Variants in RBFOX1 observed in about 807,000 individuals in gnomAD.
RBFOX1 encodes RNA binding fox-1 homolog 1, also known as RNA binding protein fox-1 homolog 1.
A neutral mutation model predicts 57.7 loss-of-function variants in RBFOX1; 8 were observed. The ratio of observed to expected loss-of-function variants is 0.14; its 90% CI spans 0.08 to 0.25. RBFOX1 has a LOEUF of 0.25. RBFOX1 is among the 10% of genes least tolerant of loss of function. The pLI is 1.00. For missense variants in RBFOX1, 611 were observed against 548.5 expected, an observed-to-expected ratio of 1.11 and a Z score of -1.14; for synonymous variants, 326 against 222.4, an observed-to-expected ratio of 1.47 and a Z score of -4.15.
At chr16:6,492,260 T>C (rs1035806581) in intron 2 of RBFOX1, among the ~76,000 whole-genome samples, 1 of 152,204 alleles carries the variant, frequency 6.6e-6, no homozygotes, top group Non-Finnish European at 1.5e-5. Flanking sequence ...TGTAGAGGAC[T>C]ATTTGGGAAT....
At chr16:6,914,563 TA>T (rs796695757) in intron 3 of RBFOX1, among the ~76,000 whole-genome samples, 18 of 116,720 alleles carry the variant, frequency 1.5e-4, no homozygotes, top group Middle Eastern at 4.9e-3. Context: ...AAAACAAAAA[TA>T]AAAAAAAAAA....
intron 3 of RBFOX1, among the ~76,000 whole-genome samples, chr16:6,810,228 C>A (rs575083277): frequency 1.3e-5 from 2 of 152,140 alleles, no homozygotes; most frequent in South Asian, 2.1e-4. Flanking sequence ...AATGTCCATC[C>A]CTCTTTTTCT....
chr16:5,948,602 C>G (rs775691293), intron 4 of RBFOX1, among the ~76,000 whole-genome samples: 4 of 152,114 alleles, frequency 2.6e-5, no homozygotes, highest in African/African-American at 7.2e-5. Context: ...GAAGGCCGTG[C>G]GATGGCAGAG....
chr16:5,565,277 GCACGTGCGTGCGTGTGTT>G, intron 2 of RBFOX1, among the ~76,000 whole-genome samples: 1 of 152,224 alleles, frequency 6.6e-6, no homozygotes, highest in Non-Finnish European at 1.5e-5. Flanking sequence ...GTGCGTGTGT[GCACGTGCGTGCGTGTGTT>G]CATGTGCATG....
chr16:5,732,854 C>A (rs535723041), intron 3 of RBFOX1, among the ~76,000 whole-genome samples: 1 of 152,170 alleles, frequency 6.6e-6, no homozygotes, highest in East Asian at 1.9e-4. Context: ...TTCATGGAGC[C>A]AGGATGAGTG....
Position 5,706,607 on chromosome 16 carries a change from A to G in RBFOX1, c.318+107646A>G, listed in dbSNP as rs2051257364. On this transcript the variant is annotated intron_variant, in intron 3 of 19. Transcript: ENST00000641259. ...GGAATGTTTGGCTTTTAATAATTAA[A>G]TCTTGCATTGTTTTAATTTTCTCCA... Among the ~76,000 whole-genome samples, 4 of 152,190 alleles carry G rather than the reference A, an allele frequency of 2.6e-5. No homozygotes were observed. In the South Asian group the frequency reaches 8.3e-4, roughly 32 times the overall value.
chr16:6,245,408 C>G (rs1013082321), intron 1 of RBFOX1, among the ~76,000 whole-genome samples: 2 of 152,052 alleles, frequency 1.3e-5, no homozygotes, highest in South Asian at 2.1e-4. Context: ...ACCAATAATT[C>G]CAGTTTTCAT....
intron 4 of RBFOX1, among the ~76,000 whole-genome samples, chr16:7,071,511 G>C (rs915487732): frequency 6.6e-6 from 1 of 151,698 alleles, no homozygotes; most frequent in African/African-American, 2.4e-5. Flanking sequence ...TTTTTGAATA[G>C]ATTTGAAAGC....
intron 3 of RBFOX1, among the ~76,000 whole-genome samples, chr16:6,660,826 T>C (rs2098696798): frequency 6.6e-6 from 1 of 152,166 alleles, no homozygotes; most frequent in African/African-American, 2.4e-5. Context: ...ACATTTATTT[T>C]ATCAAATGAG....
intron 4 of RBFOX1, among the ~76,000 whole-genome samples, chr16:7,434,321 A>T (rs2098705335): frequency 6.6e-6 from 1 of 152,040 alleles, no homozygotes; most frequent in South Asian, 2.1e-4. Context: ...AATACAAAAA[A>T]ATTAGCTGGG....
At chr16:6,742,564 C>T (rs1400378316) in intron 3 of RBFOX1, among the ~76,000 whole-genome samples, 2 of 152,088 alleles carry the variant, frequency 1.3e-5, no homozygotes, top group African/African-American at 4.8e-5. Flanking sequence ...ATTTCTGAGT[C>T]AAAAACTGGA....
chr16:7,243,025 GC>G (rs2094140788), intron 4 of RBFOX1, among the ~76,000 whole-genome samples: 1 of 152,000 alleles, frequency 6.6e-6, no homozygotes, highest in Non-Finnish European at 1.5e-5. Context: ...AGGATGTCAA[GC>G]CCTGGCATTT....
At chr16:5,391,615 C>T (rs1029577362) in intron 1 of RBFOX1, among the ~76,000 whole-genome samples, 3 of 152,126 alleles carry the variant, frequency 2.0e-5, no homozygotes, top group Non-Finnish European at 4.4e-5. Flanking sequence ...AGAGTTCGTT[C>T]CTCCTGAAGG....
At position 6,430,513 on chromosome 16, in the gene RBFOX1, G is replaced by A. The variant is rs368019916; in HGVS notation, c.-64+113456G>A. ...ACTCAAGTGGAGTTGAATTAGGAGA[G>A]AAGTGCGAAGACATGACGGATGGAT... is the stretch of plus-strand genomic sequence containing the variant. On this transcript the variant is annotated intron_variant, in intron 2 of 15. Transcript: ENST00000550418. 3.9e-5 allele frequency among the ~76,000 whole-genome samples: 6 copies of A among 152,272 alleles called. 1 individual carries two copies. The South Asian group carries it at 1.0e-3, about 26-fold the overall frequency.
intron 3 of RBFOX1, among the ~76,000 whole-genome samples, chr16:6,868,911 T>C (rs1193277918): frequency 6.6e-6 from 1 of 152,198 alleles, no homozygotes; most frequent in South Asian, 2.1e-4. Context: ...AAGTGACATT[T>C]TGTGAGTTAC....
intron 1 of RBFOX1, among the ~76,000 whole-genome samples, chr16:6,107,682 T>G (rs1189348068): frequency 1.9e-5 from 2 of 103,196 alleles, no homozygotes; most frequent in Middle Eastern, 7.8e-3. Flanking sequence ...GGTGGATGGA[T>G]AGGTGGGTGG....
chr16:7,615,645 A>G (rs918616312), intron 10 of RBFOX1, among the ~76,000 whole-genome samples: 2 of 152,066 alleles, frequency 1.3e-5, no homozygotes, highest in Admixed American at 1.3e-4. Flanking sequence ...GTGATTCTTA[A>G]TATGGAGTGA....
intron 1 of RBFOX1, among the ~76,000 whole-genome samples, chr16:6,266,529 C>A (rs2074515381): frequency 6.6e-6 from 1 of 152,034 alleles, no homozygotes; most frequent in Non-Finnish European, 1.5e-5. Context: ...GCCTGGCCAA[C>A]ATGGTGAAAC....
At chr16:5,319,105 C>A (rs934278540) in intron 1 of RBFOX1, among the ~76,000 whole-genome samples, 1 of 151,818 alleles carries the variant, frequency 6.6e-6, no homozygotes, top group African/African-American at 2.4e-5. Context: ...CCAGCCTGGG[C>A]AACAGAGTAA....
Sources: allele counts gnomAD v4.1 joint callset (sites outside exome capture counted in the v4.1 genomes callset), GRCh38; gene constraint gnomAD v4.1.1; transcripts MANE v1.5; gene names NCBI Gene and HGNC (gene_info 2026-07-23, HGNC 2026-07-21).